The following FSTL4 variants were observed in gnomAD, a reference collection of about 807,000 sequenced individuals.
FSTL4 encodes the protein follistatin like 4.
In FSTL4, 28 loss-of-function variants were observed where a neutral mutation model predicts 78.2. The observed-to-expected ratio is 0.36, with a 90% CI of 0.27 to 0.49. FSTL4 has a LOEUF of 0.49. FSTL4 is among the 20% of genes least tolerant of loss of function. FSTL4 has a pLI of 0.98. For synonymous variants in FSTL4, 422 were observed against 440.5 expected, an observed-to-expected ratio of 0.96 and a Z score of 0.53; for missense variants, 922 against 1,084.9, an observed-to-expected ratio of 0.85 and a Z score of 2.11.
chr5:133,360,786 A>G (rs1755052206), intron 4 of FSTL4, among the ~76,000 whole-genome samples: 1 of 152,222 alleles, frequency 6.6e-6, no homozygotes, highest in Non-Finnish European at 1.5e-5. Flanking sequence ...AATAATAAAT[A>G]AAGTTCCAGA....
intron 2 of FSTL4, among the ~76,000 whole-genome samples, chr5:133,589,286 TAA>T (rs113649317): frequency 5.0e-5 from 4 of 80,378 alleles, no homozygotes; most frequent in African/African-American, 1.2e-4. Flanking sequence ...TAGAGTATAA[TAA>T]AAAAAAAAAA....
chr5:133,331,572 T>G (rs1441957941), intron 4 of FSTL4, among the ~76,000 whole-genome samples: 1 of 152,148 alleles, frequency 6.6e-6, no homozygotes, highest in Non-Finnish European at 1.5e-5. Flanking sequence ...AAAACGGGTC[T>G]GCTATAAGCC....
chr5:133,522,127 A>G (rs1410077865), intron 3 of FSTL4, among the ~76,000 whole-genome samples: 3 of 152,186 alleles, frequency 2.0e-5, no homozygotes, highest in South Asian at 2.1e-4. Context: ...CAAGAATTCT[A>G]CCAGGTGGGA....
intron 3 of FSTL4, among the ~76,000 whole-genome samples, chr5:133,457,362 G>A (rs1757512037): frequency 6.6e-6 from 1 of 152,168 alleles, no homozygotes; most frequent in Non-Finnish European, 1.5e-5. Flanking sequence ...ATAGATTTCA[G>A]CAACTGGGCA....
the FSTL4 span, among the ~76,000 whole-genome samples, chr5:133,757,779 T>C: frequency 1.3e-5 from 2 of 152,192 alleles, no homozygotes; most frequent in Non-Finnish European, 2.9e-5. Context: ...ATTTGCATGA[T>C]TTCCACATAA....
intron 4 of FSTL4, among the ~76,000 whole-genome samples, chr5:133,383,768 C>T (rs1755633985): frequency 6.6e-6 from 1 of 152,178 alleles, no homozygotes; most frequent in Non-Finnish European, 1.5e-5. Flanking sequence ...ACCCAGATTC[C>T]CATGTCTTTG....
chr5:133,429,937 A>G (rs1473051928), intron 3 of FSTL4, among the ~76,000 whole-genome samples: 1 of 152,176 alleles, frequency 6.6e-6, no homozygotes, highest in Non-Finnish European at 1.5e-5. Context: ...TCGCATCTCT[A>G]TTGATTAATG....
chr5:133,683,875 G>A, the FSTL4 span, among the ~76,000 whole-genome samples: 19 of 152,304 alleles, frequency 1.2e-4, no homozygotes, highest in African/African-American at 4.6e-4. Context: ...TCCCTGCTGG[G>A]GCGAAGGTGG....
rs745472295 is a variant in FSTL4, at chr5:133,249,431, G to T, written c.873C>A (p.Phe291Leu). 4.3e-6 allele frequency: 7 copies of T among 1,614,020 alleles called. No homozygotes were observed. Among genetic ancestry groups the T allele is most frequent in the Middle Eastern group, 1.6e-4 (1 of 6,062 alleles). ...TTACATTGATGTCTTCCAAGTCCAG[G>T]AAGTTCAGGGTGAGCCCGTTGCGCT... Reference protein sequence around the residue: ...IWKRNGLTLNFLDLEDINDFG... With the variant: ...IWKRNGLTLNLLDLEDINDFG... The change falls in exon 7 of 16, where the codon TTC becomes TTA. Residue 291 changes from phenylalanine to leucine, a missense_variant. Coordinates refer to ENST00000265342, the MANE Select transcript of FSTL4 (RefSeq NM_015082.2).
chr5:133,602,348 G>C (rs983588150), intron 2 of FSTL4, among the ~76,000 whole-genome samples: 10 of 152,170 alleles, frequency 6.6e-5, no homozygotes, highest in Admixed American at 4.6e-4. Flanking sequence ...AAAGAATTAG[G>C]GTGTTAACAG....
At chr5:133,719,630 G>A in the FSTL4 span, among the ~76,000 whole-genome samples, 3 of 138,308 alleles carry the variant, frequency 2.2e-5, no homozygotes, top group African/African-American at 5.5e-5. Flanking sequence ...CCAAGATCAC[G>A]CCATTGCACT....
intron 3 of FSTL4, among the ~76,000 whole-genome samples, chr5:133,476,552 G>A (rs2112853901): frequency 6.6e-6 from 1 of 152,332 alleles, no homozygotes; most frequent in East Asian, 1.9e-4. Context: ...GCTAGTTAGA[G>A]AGAAGTTGTT....
intron 4 of FSTL4, among the ~76,000 whole-genome samples, chr5:133,333,306 C>A (rs1754390158): frequency 6.6e-6 from 1 of 152,216 alleles, no homozygotes; most frequent in South Asian, 2.1e-4. Context: ...AGGCCTGGGG[C>A]CCCGGGCAAT....
the FSTL4 span, among the ~76,000 whole-genome samples, chr5:133,694,611 T>A: frequency 6.6e-6 from 1 of 152,222 alleles, no homozygotes; most frequent in Non-Finnish European, 1.5e-5. Context: ...CACAGTACCC[T>A]CCTAGTGCTC....
the FSTL4 span, among the ~76,000 whole-genome samples, chr5:133,693,343 T>C: frequency 6.6e-6 from 1 of 152,208 alleles, no homozygotes; most frequent in Non-Finnish European, 1.5e-5. Flanking sequence ...AGAACTATAA[T>C]CATCACACTT....
At chr5:133,395,720 G>T (rs1450400613) in intron 4 of FSTL4, among the ~76,000 whole-genome samples, 3 of 150,628 alleles carry the variant, frequency 2.0e-5, no homozygotes, top group Admixed American at 6.6e-5. Context: ...CTTCATGCCT[G>T]TACTCCTAGA....
chr5:133,538,587 A>C (rs1175156912), intron 3 of FSTL4, among the ~76,000 whole-genome samples: 1 of 151,138 alleles, frequency 6.6e-6, no homozygotes, highest in Non-Finnish European at 1.5e-5. Context: ...CTTTCCTTCT[A>C]TATTTCTTAT....
intron 3 of FSTL4, among the ~76,000 whole-genome samples, chr5:133,401,734 T>C (rs1020837339): frequency 1.3e-5 from 2 of 152,086 alleles, no homozygotes; most frequent in African/African-American, 4.8e-5. Context: ...CAGTGGGCCC[T>C]GCAAAGGAGA....
At chr5:133,379,973 G>A (rs991868847) in intron 4 of FSTL4, among the ~76,000 whole-genome samples, 1 of 152,104 alleles carries the variant, frequency 6.6e-6, no homozygotes, top group African/African-American at 2.4e-5. Context: ...TACTCGGGAG[G>A]CTGAGGCAGG....
Sources: gnomAD v4.1 joint callset for allele counts (sites outside exome capture counted in the v4.1 genomes callset) on GRCh38, gnomAD v4.1.1 for gene constraint, MANE v1.5 for transcripts, NCBI Gene and HGNC (gene_info 2026-07-23, HGNC 2026-07-21) for gene names.